Variants in ABHD3 observed in about 807,000 individuals in gnomAD.
ABHD3 encodes abhydrolase domain containing 3, phospholipase, also known as phospholipase ABHD3.
A neutral mutation model predicts 48.8 loss-of-function variants in ABHD3; 46 were observed. The ratio of observed to expected loss-of-function variants is 0.94; its 90% confidence interval spans 0.74 to 1.20. The LOEUF is 1.20. ABHD3 is among the 50% of genes most tolerant of loss of function. The pLI, the probability that ABHD3 is intolerant of heterozygous loss-of-function variation, is 0.00. For synonymous variants in ABHD3, 192 were observed against 183.7 expected, an observed-to-expected ratio of 1.04 and a Z score of -0.36; for missense variants, 490 against 497.8, an observed-to-expected ratio of 0.98 and a Z score of 0.15.
chr18:21,681,214 C>T (rs2039999217), intron 4 of ABHD3, among the ~76,000 whole-genome samples: 1 of 152,052 alleles, frequency 6.6e-6, no homozygotes, highest in Non-Finnish European at 1.5e-5. Flanking sequence ...AAATTTCCAC[C>T]GGGATTATCT....
rs180965268 is a variant in ABHD3 at position 21,661,386 on chromosome 18, C to T, written c.669-2043G>A. On this transcript the variant is annotated intron_variant, in intron 5 of 8. Transcript: ENST00000289119. ...GGCGCAGTGGCTCATGCCTGTAATC[C>T]CAGCACTTTGGGAGGCTGAGGCAGG... Among the ~76,000 whole-genome samples, 1,014 of 152,068 alleles carry T rather than the reference C, an allele frequency of 6.7e-3. 9 individuals are homozygous for T. Among genetic ancestry groups the T allele is most frequent in the African/African-American group, 0.02 (827 of 41,482 alleles).
intron 3 of ABHD3, among the ~76,000 whole-genome samples, chr18:21,687,817 C>T (rs1228777076): frequency 6.6e-6 from 1 of 152,178 alleles, no homozygotes; most frequent in East Asian, 1.9e-4. Flanking sequence ...GTTTCTCAAT[C>T]TTTAGTACTA....
intron 3 of ABHD3, chr18:21,701,859 A>C (rs2040520462): frequency 6.6e-6 from 1 of 152,456 alleles, no homozygotes; most frequent in African/African-American, 2.4e-5. Flanking sequence ...TTTGATAAAT[A>C]GGGACAACCT....
At chr18:21,670,428 C>T (rs1472662935) in intron 4 of ABHD3, among the ~76,000 whole-genome samples, 1 of 152,158 alleles carries the variant, frequency 6.6e-6, no homozygotes, top group East Asian at 1.9e-4. Flanking sequence ...ATTAATCTTC[C>T]TAATGAACAC....
At chr18:21,666,945 A>G (rs2146294764) in intron 4 of ABHD3, among the ~76,000 whole-genome samples, 1 of 152,270 alleles carries the variant, frequency 6.6e-6, no homozygotes, top group African/African-American at 2.4e-5. Context: ...ATCTGGTAAC[A>G]TTACTCTAAG....
In ABHD3 at chr18:21,690,231, C is replaced by T. The variant is rs148382306; in HGVS notation, c.510-6266G>A. Among the ~76,000 whole-genome samples, 20 of 151,786 alleles carry T rather than the reference C, an allele frequency of 1.3e-4. 1 individual carries two copies. Among genetic ancestry groups the T allele is most frequent in the South Asian group, 6.2e-4 (3 of 4,804 alleles). The stretch of plus-strand genomic sequence containing the variant: ...TTCACTGGATTTGCAAATTGCAGCT[C>T]GAACATAGGATAAGAGGAAAAAGGT... On this transcript the variant is annotated intron_variant, in intron 3 of 8. Coordinates refer to ENST00000289119, the MANE Select transcript of ABHD3 (RefSeq NM_138340.5).
In ABHD3 at chr18:21,704,588, C is replaced by A; in HGVS notation, c.78G>T (p.Gly26=). Residue 26 remains glycine (G), a synonymous_variant, in exon 1 of 9, where the codon GGG becomes GGT. Transcript: ENST00000289119. ...SLYLEHQVRV[G]FFGSGVGLSL... is the part of the protein sequence containing the mutation. ...ATAAGCCCACCCCCGAGCCGAAGAA[C>A]CCCACCCGGACTTGGTGTTCCAGGT... The A allele has an allele frequency of 6.4e-7, 1 of 1,552,132 alleles. No individual in the cohort carries two copies. The highest frequency in any genetic ancestry group is 1.2e-5 in the South Asian group (1 of 83,370).
intron 3 of ABHD3, among the ~76,000 whole-genome samples, chr18:21,698,604 A>G (rs1407887053): frequency 1.3e-5 from 2 of 151,978 alleles, no homozygotes; most frequent in Admixed American, 1.3e-4. Flanking sequence ...GCTGGAGTGC[A>G]GTACCTCACT....
At chr18:21,703,930 A>C (rs2040574977) in intron 1 of ABHD3, 183 bp from the exon 2 acceptor site, 1 of 602,298 alleles carries the variant, frequency 1.7e-6, no homozygotes, top group Non-Finnish European at 2.9e-6. Flanking sequence ...CAATGCCCCG[A>C]GGGGAAGGCG....
chr18:21,678,273 A>G (rs1298820289), intron 4 of ABHD3, among the ~76,000 whole-genome samples: 2 of 152,166 alleles, frequency 1.3e-5, no homozygotes, highest in African/African-American at 4.8e-5. Context: ...AGTTATTGTG[A>G]GAACATATAT....
At position 21,678,580 on chromosome 18, in the gene ABHD3, A is replaced by G. The variant is rs117608529; in HGVS notation, c.555+5340T>C. ...TTTGTAGCTTTTAGTTATAGATCCTATAACTAAAAATAGCTTTCAACAAAT... is the reference window on the plus strand; with the variant it reads ...TTTGTAGCTTTTAGTTATAGATCCTGTAACTAAAAATAGCTTTCAACAAAT... On this transcript the variant is annotated intron_variant, in intron 4 of 8. Coordinates refer to ENST00000289119, the MANE Select transcript of ABHD3 (RefSeq NM_138340.5). Among the ~76,000 whole-genome samples the G allele has an allele frequency of 2.4e-3, 372 of 151,932 alleles. 1 individual carries two copies. The highest frequency in any genetic ancestry group is 3.8e-3 in the Non-Finnish European group (260 of 67,994).
At position 21,651,584 on chromosome 18, in the gene ABHD3, C is replaced by T. The variant is rs1373969164; in HGVS notation, c.*7G>A. 6.2e-7 allele frequency: 1 copy of T among 1,613,338 alleles called. No individual in the cohort carries two copies. The highest frequency in any genetic ancestry group is 1.3e-5 in the African/African-American group (1 of 74,886). On this transcript the variant is annotated 3_prime_UTR_variant, in exon 9 of 9. Coordinates refer to ENST00000289119, the MANE Select transcript of ABHD3 (RefSeq NM_138340.5). ...GTTCAGACAAAATGCACCCAAAGAA[C>T]TACATGTTAAGAGAGTTCATGTCCA...
Position 21,651,587 on chromosome 18 carries a change from C to T in ABHD3, c.*4G>A, listed in dbSNP as rs771147756. 1 of 1,613,422 alleles carries T rather than the reference C, an allele frequency of 6.2e-7. No individual in the cohort carries two copies. Among genetic ancestry groups the T allele is most frequent in the Non-Finnish European group, 8.5e-7 (1 of 1,179,776 alleles). On this transcript the variant is annotated 3_prime_UTR_variant, in exon 9 of 9. Transcript: ENST00000289119. ...CAGACAAAATGCACCCAAAGAACTA[C>T]ATGTTAAGAGAGTTCATGTCCATGC...
chr18:21,653,735 G>A lies in ABHD3; in HGVS notation c.1058-1972C>T, dbSNP rs868688539. Among the ~76,000 whole-genome samples, 96 of 93,654 alleles carry A rather than the reference G, an allele frequency of 1.0e-3. No homozygotes were observed. The Middle Eastern group carries it at 0.019, about 19-fold the overall frequency. 61.4% of individuals were successfully genotyped at this position (93,654 alleles called of 152,430 possible). A position where few individuals can be genotyped will look rare whatever the true frequency, so the allele number is the denominator to read the frequency against. The stretch of plus-strand genomic sequence containing the variant: ...GACTGACCGTGTCTTTACAAAAAAT[G>A]TTAAAAAAAAAAAAAAAAAAGCCTT... On this transcript the variant is annotated intron_variant, in intron 8 of 8. Coordinates refer to ENST00000289119, the MANE Select transcript of ABHD3 (RefSeq NM_138340.5).
intron 4 of ABHD3, among the ~76,000 whole-genome samples, chr18:21,673,379 C>T (rs543363896): frequency 1.3e-5 from 2 of 152,116 alleles, no homozygotes; most frequent in Non-Finnish European, 2.9e-5. Flanking sequence ...CCGCAACCTC[C>T]GCCTCCCAGG....
At chr18:21,667,234 C>CTTTTTTTTTTTTTTTTT (rs745430805) in intron 4 of ABHD3, among the ~76,000 whole-genome samples, 4 of 81,474 alleles carry the variant, frequency 4.9e-5, no homozygotes, top group East Asian at 8.4e-4. Flanking sequence ...CCACCACACC[C>CTTTTTTTTTTTTTTTTT]TTTTTTTTTT....
chr18:21,703,781 G>A, intron 1 of ABHD3, 34 bp from the exon 2 acceptor site: 1 of 1,593,512 alleles, frequency 6.3e-7, no homozygotes, highest in African/African-American at 1.3e-5. Context: ...GAAGGGCCCA[G>A]AGCAAAGTTT....
At chr18:21,662,701 C>T (rs1410844811) in intron 5 of ABHD3, among the ~76,000 whole-genome samples, 2 of 152,166 alleles carry the variant, frequency 1.3e-5, no homozygotes, top group African/African-American at 2.4e-5. Context: ...GATCGTGTCA[C>T]AGTGCTAGGC....
chr18:21,701,716 C>T (rs1364298568), intron 3 of ABHD3: 2 of 151,978 alleles, frequency 1.3e-5, no homozygotes, highest in Admixed American at 1.3e-4. Flanking sequence ...AGTTGCTAAT[C>T]ACTTGCAAAA....
Sources: allele counts gnomAD v4.1 joint callset (sites outside exome capture counted in the v4.1 genomes callset), GRCh38; gene constraint gnomAD v4.1.1; transcripts MANE v1.5; gene names NCBI Gene and HGNC (gene_info 2026-07-23, HGNC 2026-07-21).